Variants in DYNC1H1 observed in about 807,000 individuals in gnomAD.
The protein encoded by DYNC1H1 is cytoplasmic dynein 1 heavy chain 1.
DYNC1H1 carries 51 observed loss-of-function variants against 527.1 expected under a neutral mutation model. That is an observed-to-expected ratio of 0.10 (90% CI 0.08 to 0.12). DYNC1H1 has a LOEUF of 0.12. Ranked by LOEUF, DYNC1H1 falls within the 10% of genes least tolerant of loss-of-function variation. The probability of loss-of-function intolerance (pLI) is 1.00; values close to 1 mark genes in which losing one functional copy is unlikely to be tolerated. For synonymous variants in DYNC1H1, 2,189 were observed against 2,278.8 expected (o/e 0.96, Z 1.12); for missense variants, 2,771 against 5,971.8 (o/e 0.46, Z 17.66).
intron 9 of DYNC1H1, among the ~76,000 whole-genome samples, chr14:101,988,428 C>G (rs17512103): frequency 6.6e-6 from 1 of 152,266 alleles, no homozygotes; most frequent in East Asian, 1.9e-4. Context: ...AGAGAGCACA[C>G]CAGTGGAGAG....
rs761311603 is a variant in DYNC1H1, at chr14:102,002,358, G to A, written c.4543-179G>A. 4.6e-5 allele frequency among the ~76,000 whole-genome samples: 7 copies of A among 152,050 alleles called. No individual in the cohort carries two copies. The highest frequency in any genetic ancestry group is 1.7e-4 in the African/African-American group (7 of 41,390). ...ACTTCTGACTTCAAGTGATCCACCCGCCTCGGCCTCCCAAAATGCTGGGAT... is the reference window on the plus strand; with the variant it reads ...ACTTCTGACTTCAAGTGATCCACCCACCTCGGCCTCCCAAAATGCTGGGAT... On this transcript the variant is annotated intron_variant, in intron 21 of 77. Transcript: ENST00000360184. This position sits in a 1 kb window ranked among gnomAD's most constrained non-coding sequence, Gnocchi z 4.4.
rs530511763 is a variant in DYNC1H1, at chr14:102,032,260, G to T, written c.9884-12G>T. ...CACCCATCGACCCTCATCCACTCCT[G>T]CTGCCACTCAGCTGTGAAGTCGATC... On this transcript the variant is annotated splice_polypyrimidine_tract_variant and intron_variant, in intron 51 of 77. Coordinates refer to ENST00000360184, the MANE Select transcript of DYNC1H1 (RefSeq NM_001376.5). 2.1e-5 allele frequency: 34 copies of T among 1,613,288 alleles called. No homozygotes were observed. In the South Asian group the frequency reaches 3.3e-4, roughly 16 times the overall value.
chr14:102,027,565 G>A lies in DYNC1H1; in HGVS notation c.9048+21G>A, dbSNP rs533842725. 4.2e-5 allele frequency: 68 copies of A among 1,614,172 alleles called. No individual in the cohort carries two copies. The highest frequency in any genetic ancestry group is 5.2e-5 in the Non-Finnish European group (61 of 1,180,030). The stretch of plus-strand genomic sequence containing the variant: ...GAGAGGTAATTAGGTGACGTGTTGC[G>A]TTGCATTACGTGTTACCGGGGGACC... On this transcript the variant is annotated intron_variant, in intron 46 of 77. Coordinates refer to ENST00000360184, the MANE Select transcript of DYNC1H1 (RefSeq NM_001376.5). This position sits in a 1 kb window ranked among gnomAD's most constrained non-coding sequence, Gnocchi z 7.7.
In DYNC1H1 at chr14:101,993,301, C is replaced by T. The variant is rs1317274718; in HGVS notation, c.3016-883C>T. Among the ~76,000 whole-genome samples the T allele has an allele frequency of 2.1e-4, 32 of 152,172 alleles. 2 individuals are homozygous for T. The highest frequency in any genetic ancestry group is 2.1e-3 in the Admixed American group (32 of 15,268). ...TTGGATTATTAATATTCCCTCCTAT[C>T]TGTTCTCTCTGCCTTTGCCTCCCTA... On this transcript the variant is annotated intron_variant, in intron 11 of 77. Coordinates refer to ENST00000360184, the MANE Select transcript of DYNC1H1 (RefSeq NM_001376.5).
chr14:102,050,689 A>G lies in DYNC1H1; in HGVS notation c.*126A>G, dbSNP rs369981722. 931 of 1,474,158 alleles carry G rather than the reference A, an allele frequency of 6.3e-4. 10 individuals are homozygous for G. The South Asian group carries it at 9.3e-3, about 15-fold the overall frequency. The allele number at this position is 1,474,158 out of a possible 1,614,324, so 91.3% of individuals were successfully genotyped here. ...TTGGTCTGAGGTTGGAGGAAGCTGAATGGAATCTGACGGTTGGGAGTGGTG... is the reference window on the plus strand; with the variant it reads ...TTGGTCTGAGGTTGGAGGAAGCTGAGTGGAATCTGACGGTTGGGAGTGGTG... On this transcript the variant is annotated 3_prime_UTR_variant, in exon 78 of 78. Coordinates refer to ENST00000360184, the MANE Select transcript of DYNC1H1 (RefSeq NM_001376.5).
rs2048469194 is a variant in DYNC1H1 at position 102,027,970 on chromosome 14, C to T, written c.9297C>T (p.Thr3099=). The change falls in exon 48 of 78, where the codon ACC becomes ACT. Residue 3099 remains threonine, a synonymous_variant. Coordinates refer to ENST00000360184, the MANE Select transcript of DYNC1H1 (RefSeq NM_001376.5). The surrounding 1 kb of genome is among the most constrained non-coding windows in gnomAD (Gnocchi z 7.7). ...TGAATTGGTTTGGAGACTGGTCCAC[C>T]GAAGCACTGTATCAGGTTGGCAAAG... The part of the protein sequence containing the change: ...CVLNWFGDWS[T]EALYQVGKEF... 5.0e-6 allele frequency: 8 copies of T among 1,614,098 alleles called. No individual in the cohort carries two copies. Among genetic ancestry groups the T allele is most frequent in the African/African-American group, 2.7e-5 (2 of 74,996 alleles).
rs963784147 is a variant in DYNC1H1, at chr14:102,002,040, C to T, written c.4542+359C>T. On this transcript the variant is annotated intron_variant, in intron 21 of 77. Coordinates refer to ENST00000360184, the MANE Select transcript of DYNC1H1 (RefSeq NM_001376.5). The surrounding 1 kb of genome is among the most constrained non-coding windows in gnomAD (Gnocchi z 4.4). ...CTTCTGCACTGGCCTCCTAAAGTGC[C>T]GGGATTACAGGCGTGAGTCACCACA... 2.5e-4 allele frequency among the ~76,000 whole-genome samples: 38 copies of T among 151,670 alleles called. No homozygotes were observed. The highest frequency in any genetic ancestry group is 2.4e-4 in the African/African-American group (10 of 41,282).
chr14:102,026,618 A>G lies in DYNC1H1; in HGVS notation c.8682A>G (p.Lys2894=). The G allele has an allele frequency of 1.9e-6, 3 of 1,614,214 alleles. No homozygotes were observed. In the African/African-American group the frequency reaches 4.0e-5, roughly 22 times the overall value. ...VDQEELRDYV[K]ARLKVFYEEE... ...AAGAAGAGTTAAGAGATTATGTCAAAGCTAGGCTGAAGGTCTTTTATGAAG... is the reference window on the plus strand; with the variant it reads ...AAGAAGAGTTAAGAGATTATGTCAAGGCTAGGCTGAAGGTCTTTTATGAAG... The change falls in exon 44 of 78, where the codon AAA becomes AAG. Residue 2894 remains lysine, a synonymous_variant. Coordinates refer to ENST00000360184, the MANE Select transcript of DYNC1H1 (RefSeq NM_001376.5).
In DYNC1H1 at chr14:102,039,728, G is replaced by A. The variant is rs567629350; in HGVS notation, c.11686G>A (p.Val3896Met). The change falls in exon 62 of 78, where the codon GTG becomes ATG. Residue 3896 changes from valine to methionine, a missense_variant. Coordinates refer to ENST00000360184, the MANE Select transcript of DYNC1H1 (RefSeq NM_001376.5). This position sits in a 1 kb window ranked among gnomAD's most constrained non-coding sequence, Gnocchi z 7.0. ...GGCAAGAATCAAACTGAAGGGCACC[G>A]TGGGGTAAGAGCACTCACGCCCACA... The part of the protein sequence containing the change: ...LLARIKLKGT[V>M]GEPTYDAEFQ... 33 of 1,614,200 alleles carry A rather than the reference G, an allele frequency of 2.0e-5. No homozygotes were observed. In the East Asian group the frequency reaches 2.5e-4, roughly 12 times the overall value.
chr14:102,030,374 G>T (rs2048496976), intron 51 of DYNC1H1, 92 bp downstream of exon 51: 1 of 1,591,808 alleles, frequency 6.3e-7, no homozygotes, highest in Non-Finnish European at 8.6e-7. Flanking sequence ...TTGCACATAT[G>T]CTTCCCTCAA....
Position 102,017,873 on chromosome 14 carries a change from G to T in DYNC1H1, c.8177+369G>T, listed in dbSNP as rs536748342. Reference sequence around the variant, plus strand: ...TGTAATCCCAGCACTTTGGGAGGCCGAAGCGGGCAGATCACGAGGTCAGGA... The same window carrying T: ...TGTAATCCCAGCACTTTGGGAGGCCTAAGCGGGCAGATCACGAGGTCAGGA... On this transcript the variant is annotated intron_variant, in intron 40 of 77. Coordinates refer to ENST00000360184, the MANE Select transcript of DYNC1H1 (RefSeq NM_001376.5). The surrounding 1 kb of genome is among the most constrained non-coding windows in gnomAD (Gnocchi z 4.6). 2.9e-6 allele frequency: 1 copy of T among 341,660 alleles called. No homozygotes were observed. The highest frequency in any genetic ancestry group is 5.7e-6 in the Non-Finnish European group (1 of 176,440). The allele number at this position is 341,660 out of a possible 1,614,324, so 21.2% of individuals were successfully genotyped here. A position where few individuals can be genotyped will look rare whatever the true frequency, so the allele number is the denominator to read the frequency against.
intron 1 of DYNC1H1, among the ~76,000 whole-genome samples, chr14:101,973,646 T>A (rs1005328157): frequency 3.3e-5 from 5 of 151,908 alleles, no homozygotes; most frequent in Admixed American, 6.6e-5. Flanking sequence ...CTAAAAAATG[T>A]TTTAAAAATC....
At position 102,039,865 on chromosome 14, in the gene DYNC1H1, T is replaced by A; in HGVS notation, c.11690+133T>A. The A allele has an allele frequency of 8.2e-7, 1 of 1,216,058 alleles. No individual in the cohort carries two copies. The highest frequency in any genetic ancestry group is 1.2e-6 in the Non-Finnish European group (1 of 864,354). The allele number at this position is 1,216,058 out of a possible 1,614,324, so 75.3% of individuals were successfully genotyped here. The stretch of plus-strand genomic sequence containing the variant: ...CTTTATTTTATTTTTTGAGACGGAG[T>A]CTCCCTTTGTTGCCTAGGCTGGAGT... On this transcript the variant is annotated intron_variant, in intron 62 of 77. Coordinates refer to ENST00000360184, the MANE Select transcript of DYNC1H1 (RefSeq NM_001376.5). The surrounding 1 kb of genome is among the most constrained non-coding windows in gnomAD (Gnocchi z 7.0).
intron 41 of DYNC1H1, among the ~76,000 whole-genome samples, chr14:102,019,231 C>G (rs1292057941): frequency 1.3e-5 from 2 of 152,236 alleles, no homozygotes; most frequent in African/African-American, 4.8e-5. Context: ...GCACCCGCTT[C>G]CCTGTATTCT....
intron 73 of DYNC1H1, 126 bp downstream of exon 73, chr14:102,048,154 C>T: frequency 7.9e-7 from 1 of 1,267,696 alleles, no homozygotes; most frequent in Non-Finnish European, 1.1e-6. Context: ...CCGGTGTCAC[C>T]TCAGAGCAGG....
Position 102,011,821 on chromosome 14 carries a change from T to C in DYNC1H1, c.6619-54T>C. On this transcript the variant is annotated intron_variant, in intron 32 of 77. Transcript: ENST00000360184. This position sits in a 1 kb window ranked among gnomAD's most constrained non-coding sequence, Gnocchi z 5.3. ...CACAAGAGGTGGCTGGGCGAGGAGC[T>C]GTCCCCATTCCTCCTCTGGGATGGT... 1 of 1,567,914 alleles carries C rather than the reference T, an allele frequency of 6.4e-7. No individual in the cohort carries two copies.
rs1567013374 is a variant in DYNC1H1 at position 102,018,127 on chromosome 14, TAAAATG to T, written c.8178-320_8178-315del. On this transcript the variant is annotated intron_variant, in intron 40 of 77. Transcript: ENST00000360184. This position sits in a 1 kb window ranked among gnomAD's most constrained non-coding sequence, Gnocchi z 5.2. The stretch of plus-strand genomic sequence containing the variant: ...TCTCAAAATAAATAAATAAATAAAA[TAAAATG>T]AAATAAAAGCATTGATCTCTTGGTA... 1 of 292,274 alleles carries T rather than the reference TAAAATG, an allele frequency of 3.4e-6. No homozygotes were observed. The allele number at this position is 292,274 out of a possible 1,614,324, so 18.1% of individuals were successfully genotyped here.
At chr14:101,981,432 A>G (rs549801190) in intron 5 of DYNC1H1, among the ~76,000 whole-genome samples, 1 of 152,316 alleles carries the variant, frequency 6.6e-6, no homozygotes, top group Non-Finnish European at 1.5e-5. Flanking sequence ...CATTATTACA[A>G]TTATTTTTAA....
At chr14:101,966,217 CAG>C in intron 1 of DYNC1H1, among the ~76,000 whole-genome samples, 1 of 152,334 alleles carries the variant, frequency 6.6e-6, no homozygotes, top group East Asian at 1.9e-4. Context: ...TATTCTTACT[CAG>C]AAGATGCTTC....
Sources: allele counts gnomAD v4.1 joint callset (sites outside exome capture counted in the v4.1 genomes callset), GRCh38; gene constraint gnomAD v4.1.1; non-coding constraint Gnocchi (gnomAD v3.1); transcripts MANE v1.5; gene names NCBI Gene and HGNC (gene_info 2026-07-23, HGNC 2026-07-21).